Variants in MDGA2 observed in about 807,000 individuals in gnomAD.
MDGA2 encodes MAM domain containing glycosylphosphatidylinositol anchor 2, also known as MAM domain-containing glycosylphosphatidylinositol anchor protein 2.
A neutral mutation model predicts 117.8 loss-of-function variants in MDGA2; 40 were observed. That is an observed-to-expected ratio of 0.34 (90% CI 0.26 to 0.44). The LOEUF is 0.44. Among genes scored for constraint, MDGA2 ranks in the 20% least tolerant of loss-of-function variants. The pLI is 1.00. For missense variants in MDGA2, 1,123 were observed against 1,250.6 expected, an observed-to-expected ratio of 0.90 and a Z score of 1.54; for synonymous variants, 452 against 439.0, an observed-to-expected ratio of 1.03 and a Z score of -0.37.
chr14:47,367,643 T>A (rs1255547923), intron 1 of MDGA2, among the ~76,000 whole-genome samples: 1 of 152,172 alleles, frequency 6.6e-6, no homozygotes, highest in African/African-American at 2.4e-5. Context: ...ACTGTACTAT[T>A]CTTTTTCTTC....
intron 1 of MDGA2, among the ~76,000 whole-genome samples, chr14:47,646,485 T>C (rs538106498): frequency 1.1e-3 from 174 of 152,270 alleles, no homozygotes; most frequent in African/African-American, 3.9e-3. Flanking sequence ...TTCAGAGTCT[T>C]TCTTCTCGGG....
At chr14:46,939,467 TA>T (rs1341082465) in intron 9 of MDGA2, among the ~76,000 whole-genome samples, 2 of 152,202 alleles carry the variant, frequency 1.3e-5, no homozygotes, top group African/African-American at 4.8e-5. Flanking sequence ...CATGACCTTG[TA>T]AACCTGCTTC....
chr14:47,097,933 T>C (rs1880070842), intron 5 of MDGA2, among the ~76,000 whole-genome samples: 1 of 151,996 alleles, frequency 6.6e-6, no homozygotes, highest in South Asian at 2.1e-4. Flanking sequence ...AGCCTTTTCA[T>C]CAAACACTCC....
intron 1 of MDGA2, among the ~76,000 whole-genome samples, chr14:47,357,998 T>C (rs1423333999): frequency 6.6e-6 from 1 of 152,024 alleles, no homozygotes; most frequent in Non-Finnish European, 1.5e-5. Context: ...TGGTACACAC[T>C]GTGGAAAAAG....
At chr14:47,656,968 C>A (rs903915065) in intron 1 of MDGA2, among the ~76,000 whole-genome samples, 1 of 152,060 alleles carries the variant, frequency 6.6e-6, no homozygotes. Context: ...TCCTTTGTAC[C>A]TTTTCAGGAT....
chr14:47,603,120 T>C (rs1038007125), intron 1 of MDGA2, among the ~76,000 whole-genome samples: 6 of 152,132 alleles, frequency 3.9e-5, no homozygotes, highest in African/African-American at 7.2e-5. Context: ...CCAATAAGAA[T>C]TGGGACCACA....
At chr14:47,101,090 T>G (rs796736580) in intron 5 of MDGA2, among the ~76,000 whole-genome samples, 23 of 112,988 alleles carry the variant, frequency 2.0e-4, no homozygotes, top group African/African-American at 7.3e-4. Context: ...GATAGATAGA[T>G]AGATAGATAG....
chr14:47,242,472 G>A (rs1446709165), intron 2 of MDGA2, among the ~76,000 whole-genome samples: 2 of 151,868 alleles, frequency 1.3e-5, no homozygotes, highest in Non-Finnish European at 1.5e-5. Flanking sequence ...CCGGGGCTGC[G>A]TGTGGCGCTT....
intron 8 of MDGA2, among the ~76,000 whole-genome samples, chr14:47,003,724 TCTTTTC>T (rs1338019819): frequency 6.6e-6 from 1 of 152,096 alleles, no homozygotes; most frequent in African/African-American, 2.4e-5. Flanking sequence ...CCATGGCTTG[TCTTTTC>T]ATTCTTTTAT....
rs766311601 is a variant in MDGA2, at chr14:47,035,267, T to C, written c.1563A>G (p.Pro521=). The change falls in exon 8 of 17, where the codon CCA becomes CCG. Residue 521 remains proline (P), a synonymous_variant. Coordinates refer to ENST00000399232, the MANE Select transcript of MDGA2 (RefSeq NM_001113498.3). ...PNLTVPQEKS[P]LVTREGDTIE... is the part of the protein sequence containing the mutation. Reference sequence around the variant, plus strand: ...TTGTGTCTCCTTCTCTGGTGACCAATGGTGATTTTTCCTGTGGAACAGTCA... The same window carrying C: ...TTGTGTCTCCTTCTCTGGTGACCAACGGTGATTTTTCCTGTGGAACAGTCA... The C allele has an allele frequency of 7.4e-6, 12 of 1,614,060 alleles. 1 individual carries two copies. In the South Asian group the frequency reaches 8.8e-5, roughly 12 times the overall value.
At chr14:47,519,961 T>A (rs1182430676) in intron 1 of MDGA2, among the ~76,000 whole-genome samples, 3 of 152,174 alleles carry the variant, frequency 2.0e-5, no homozygotes, top group South Asian at 4.1e-4. Flanking sequence ...TGAAGCCAGA[T>A]AATAAATCAG....
chr14:47,617,342 T>C (rs1003546133), intron 1 of MDGA2, among the ~76,000 whole-genome samples: 5 of 152,058 alleles, frequency 3.3e-5, no homozygotes, highest in African/African-American at 1.2e-4. Flanking sequence ...GTGGCTGGGA[T>C]TACAGGTGCC....
chr14:47,250,280 G>A (rs931011436), intron 2 of MDGA2, among the ~76,000 whole-genome samples: 4 of 152,210 alleles, frequency 2.6e-5, no homozygotes, highest in African/African-American at 7.2e-5. Flanking sequence ...CAGACCACAT[G>A]ATACAATCCA....
chr14:47,186,503 G>A (rs1884917030), intron 3 of MDGA2, among the ~76,000 whole-genome samples: 1 of 151,778 alleles, frequency 6.6e-6, no homozygotes, highest in Non-Finnish European at 1.5e-5. Context: ...TTTATAGGGT[G>A]CTTACTATAG....
intron 14 of MDGA2, among the ~76,000 whole-genome samples, chr14:46,859,833 T>C (rs1013193273): frequency 2.6e-5 from 4 of 152,122 alleles, no homozygotes; most frequent in African/African-American, 7.2e-5. Flanking sequence ...ACATATAAAC[T>C]TTACATATAA....
rs562675356 is a variant in MDGA2 at position 47,292,465 on chromosome 14, C to T, written c.420+8946G>A. On this transcript the variant is annotated intron_variant, in intron 2 of 16. Transcript: ENST00000399232. ...TTACCCAGGCTAGAACTCCATTTATCGCTTGTCTTTCATAAGCCCCCATTA... is the reference window on the plus strand; with the variant it reads ...TTACCCAGGCTAGAACTCCATTTATTGCTTGTCTTTCATAAGCCCCCATTA... 5.9e-5 allele frequency among the ~76,000 whole-genome samples: 9 copies of T among 152,206 alleles called. No individual in the cohort carries two copies. In the South Asian group the frequency reaches 1.5e-3, roughly 25 times the overall value.
At chr14:47,191,716 G>C (rs1885119336) in intron 3 of MDGA2, among the ~76,000 whole-genome samples, 1 of 151,994 alleles carries the variant, frequency 6.6e-6, no homozygotes, top group South Asian at 2.1e-4. Context: ...TCATCGGCTG[G>C]CCAATCTTTG....
At chr14:46,866,828 A>T (rs537336451) in intron 14 of MDGA2, among the ~76,000 whole-genome samples, 95 of 152,340 alleles carry the variant, frequency 6.2e-4, no homozygotes, top group African/African-American at 2.1e-3. Flanking sequence ...AATGCAAATC[A>T]AAACCACAAT....
rs117593512 is a variant in MDGA2, at chr14:47,422,484, G to A, written c.281-120934C>T. On this transcript the variant is annotated intron_variant, in intron 1 of 16. Coordinates refer to ENST00000399232, the MANE Select transcript of MDGA2 (RefSeq NM_001113498.3). Reference sequence around the variant, plus strand: ...ATGAGAGAACTGCCAGGATATTCCCGAAATTCAAGCTAAGAACCATTTAAA... The same window carrying A: ...ATGAGAGAACTGCCAGGATATTCCCAAAATTCAAGCTAAGAACCATTTAAA... 1.4e-4 allele frequency among the ~76,000 whole-genome samples: 21 copies of A among 152,132 alleles called. 1 individual carries two copies. The East Asian group carries it at 2.5e-3, about 18-fold the overall frequency.
Sources: allele counts gnomAD v4.1 joint callset (sites outside exome capture counted in the v4.1 genomes callset), GRCh38; gene constraint gnomAD v4.1.1; transcripts MANE v1.5; gene names NCBI Gene and HGNC (gene_info 2026-07-23, HGNC 2026-07-21).